Variants in BCAS3 observed in about 807,000 individuals in gnomAD.
BCAS3 encodes the protein BCAS3 microtubule associated cell migration factor.
A neutral mutation model predicts 116.1 loss-of-function variants in BCAS3; 53 were observed. That is an observed-to-expected ratio of 0.46 (90% CI 0.37 to 0.57). The LOEUF (loss-of-function observed/expected upper bound fraction) is 0.57. Among genes scored for constraint, BCAS3 ranks in the 20% least tolerant of loss-of-function variants. BCAS3 has a pLI of 0.00. For missense variants in BCAS3, 917 were observed against 1,165.4 expected (o/e 0.79, Z 3.10); for synonymous variants, 391 against 408.2 (o/e 0.96, Z 0.51).
At chr17:61,275,773 G>A (rs1450700506) in intron 22 of BCAS3, among the ~76,000 whole-genome samples, 2 of 152,180 alleles carry the variant, frequency 1.3e-5, no homozygotes, top group Non-Finnish European at 2.9e-5. Context: ...GTGACGGTAA[G>A]CATAAACTGC....
rs181299720 is a variant in BCAS3, at chr17:60,956,853, C to T, written c.1221+9501C>T. 2.9e-3 allele frequency among the ~76,000 whole-genome samples: 448 copies of T among 152,212 alleles called. 1 individual carries two copies. The highest frequency in any genetic ancestry group is 6.8e-3 in the Middle Eastern group (2 of 294). ...CTGATATATAAAATTTAACACCAGT[C>T]GTGAAATCTATATGTCACATGATCT... On this transcript the variant is annotated intron_variant, in intron 14 of 23. Coordinates refer to ENST00000407086, the MANE Select transcript of BCAS3 (RefSeq NM_017679.5). This position sits in a 1 kb window ranked among gnomAD's most constrained non-coding sequence, Gnocchi z 4.2.
chr17:61,216,811 G>C (rs1010000990), intron 22 of BCAS3, among the ~76,000 whole-genome samples: 3 of 151,546 alleles, frequency 2.0e-5, no homozygotes, highest in African/African-American at 7.3e-5. Flanking sequence ...CAAAGTGCTG[G>C]GATTACAGGC....
rs2076408456 is a variant in BCAS3 at position 61,132,793 on chromosome 17, G to A, written c.2425+48229G>A. ...TCCACTCCCCTATCCCCGTCAATGAGAAGAAGCTCCTTACCAGGTCTGTGT... is the reference window on the plus strand; with the variant it reads ...TCCACTCCCCTATCCCCGTCAATGAAAAGAAGCTCCTTACCAGGTCTGTGT... On this transcript the variant is annotated intron_variant, in intron 22 of 23. Coordinates refer to ENST00000407086, the MANE Select transcript of BCAS3 (RefSeq NM_017679.5). This position sits in a 1 kb window ranked among gnomAD's most constrained non-coding sequence, Gnocchi z 5.1. 1.3e-5 allele frequency among the ~76,000 whole-genome samples: 2 copies of A among 152,254 alleles called. No individual in the cohort carries two copies. Among genetic ancestry groups the A allele is most frequent in the South Asian group, 4.2e-4 (2 of 4,818 alleles).
At chr17:61,360,823 A>C (rs765153244) in intron 22 of BCAS3, among the ~76,000 whole-genome samples, 1 of 152,238 alleles carries the variant, frequency 6.6e-6, no homozygotes, top group Non-Finnish European at 1.5e-5. Flanking sequence ...TACCCATTGC[A>C]GTGGATAAGG....
intron 11 of BCAS3, among the ~76,000 whole-genome samples, chr17:60,907,560 A>G (rs1048806268): frequency 6.6e-6 from 1 of 152,178 alleles, no homozygotes; most frequent in African/African-American, 2.4e-5. Flanking sequence ...GCTCATTTGA[A>G]TTATAGGTCA....
intron 22 of BCAS3, among the ~76,000 whole-genome samples, chr17:61,238,798 CA>C (rs2083265481): frequency 1.3e-5 from 2 of 152,078 alleles, no homozygotes; most frequent in African/African-American, 4.8e-5. Context: ...TATTGTAAGC[CA>C]GGCTTGTGGC....
rs2057703270 is a variant in BCAS3, at chr17:61,349,499, G to T, written c.2426-18828G>T. Among the ~76,000 whole-genome samples the T allele has an allele frequency of 6.6e-6, 1 of 151,588 alleles. No homozygotes were observed. The highest frequency in any genetic ancestry group is 2.1e-4 in the South Asian group (1 of 4,786). On this transcript the variant is annotated intron_variant, in intron 22 of 23. Coordinates refer to ENST00000407086, the MANE Select transcript of BCAS3 (RefSeq NM_017679.5). This position sits in a 1 kb window ranked among gnomAD's most constrained non-coding sequence, Gnocchi z 4.7. ...GTGGAAATTCTGCACTTAGATTATT[G>T]GTCCAGCTCTGCTTCTCCGAAAGCT...
chr17:61,135,412 A>G (rs992014012), intron 22 of BCAS3, among the ~76,000 whole-genome samples: 1 of 152,254 alleles, frequency 6.6e-6, no homozygotes, highest in African/African-American at 2.4e-5. Context: ...TTGAATTAGC[A>G]TACCATTTCA....
At chr17:61,089,540 T>C (rs2073367476) in intron 22 of BCAS3, among the ~76,000 whole-genome samples, 1 of 107,800 alleles carries the variant, frequency 9.3e-6, no homozygotes, top group African/African-American at 3.9e-5. Context: ...TTTTTTTTTT[T>C]TTTTTTTGAG....
At chr17:60,796,835 A>G (rs2047252730) in intron 6 of BCAS3, among the ~76,000 whole-genome samples, 1 of 151,890 alleles carries the variant, frequency 6.6e-6, no homozygotes, top group Admixed American at 6.6e-5. Flanking sequence ...AGGCTTTTTG[A>G]TGTAGGCATT....
chr17:61,387,587 C>T lies in BCAS3; in HGVS notation c.2594-4390C>T, dbSNP rs1445395468. Among the ~76,000 whole-genome samples, 1 of 152,142 alleles carries T rather than the reference C, an allele frequency of 6.6e-6. No homozygotes were observed. Among genetic ancestry groups the T allele is most frequent in the Non-Finnish European group, 1.5e-5 (1 of 68,018 alleles). ...CTTCAGTTGCTACTCATTCATCATC[C>T]CCCTACCCCTGGGGGCTGTCCATCC... On this transcript the variant is annotated intron_variant, in intron 23 of 23. Transcript: ENST00000407086. The surrounding 1 kb of genome is among the most constrained non-coding windows in gnomAD (Gnocchi z 6.2).
intron 13 of BCAS3, among the ~76,000 whole-genome samples, chr17:60,931,286 AT>A (rs2059630036): frequency 6.6e-6 from 1 of 151,838 alleles, no homozygotes; most frequent in South Asian, 2.1e-4. Context: ...TTTTATTTTT[AT>A]TTTTTTGAGA....
intron 22 of BCAS3, among the ~76,000 whole-genome samples, chr17:61,319,962 C>A (rs1024744188): frequency 6.7e-6 from 1 of 149,706 alleles, no homozygotes; most frequent in Non-Finnish European, 1.5e-5. Context: ...ACAGTCTCGG[C>A]TCACTGCAAC....
At chr17:61,336,419 T>C (rs1206580862) in intron 22 of BCAS3, among the ~76,000 whole-genome samples, 2 of 152,220 alleles carry the variant, frequency 1.3e-5, no homozygotes, top group Non-Finnish European at 2.9e-5. Context: ...TAGGCTTCTT[T>C]CCCCTGGTCT....
At chr17:61,293,646 C>G (rs914066906) in intron 22 of BCAS3, among the ~76,000 whole-genome samples, 5 of 152,274 alleles carry the variant, frequency 3.3e-5, no homozygotes, top group Middle Eastern at 6.8e-3. Flanking sequence ...TGCCATATGA[C>G]CAGGGATCAG....
chr17:61,229,301 C>T lies in BCAS3; in HGVS notation c.2426-139026C>T, dbSNP rs978841605. ...AGTTTGAAGCTAACAGAGGTTGGTT[C>T]GTGAGGTTAAGGAAAGAAGCTATTT... On this transcript the variant is annotated intron_variant, in intron 22 of 23. Transcript: ENST00000407086. This position sits in a 1 kb window ranked among gnomAD's most constrained non-coding sequence, Gnocchi z 4.4. 2.6e-5 allele frequency among the ~76,000 whole-genome samples: 4 copies of T among 152,122 alleles called. No individual in the cohort carries two copies. Among genetic ancestry groups the T allele is most frequent in the Admixed American group, 2.0e-4 (3 of 15,274 alleles).
intron 12 of BCAS3, among the ~76,000 whole-genome samples, chr17:60,911,256 G>A (rs1387358289): frequency 2.0e-5 from 3 of 150,498 alleles, no homozygotes; most frequent in African/African-American, 7.3e-5. Context: ...CCGAGTAGCT[G>A]GGATTATAGG....
At chr17:61,312,073 T>C (rs147369015) in intron 22 of BCAS3, among the ~76,000 whole-genome samples, 2 of 152,052 alleles carry the variant, frequency 1.3e-5, no homozygotes, top group African/African-American at 4.8e-5. Context: ...GAGGGGAGAA[T>C]CGTTTGATCT....
At chr17:61,334,472 C>G (rs1429049733) in intron 22 of BCAS3, among the ~76,000 whole-genome samples, 1 of 152,064 alleles carries the variant, frequency 6.6e-6, no homozygotes, top group Non-Finnish European at 1.5e-5. Context: ...TCAAGACCAG[C>G]CTGACCAACG....
Sources: gnomAD v4.1 joint callset for allele counts (sites outside exome capture counted in the v4.1 genomes callset) on GRCh38, gnomAD v4.1.1 for gene constraint, Gnocchi (gnomAD v3.1) non-coding constraint, MANE v1.5 for transcripts, NCBI Gene and HGNC (gene_info 2026-07-23, HGNC 2026-07-21) for gene names.